Variants in FGF13 observed in about 807,000 individuals in gnomAD.
FGF13 encodes the protein fibroblast growth factor 13.
A neutral mutation model predicts 19.5 loss-of-function variants in FGF13; 2 were observed. The ratio of observed to expected loss-of-function variants is 0.10; its 90% CI spans 0.04 to 0.32. The LOEUF is 0.32. Ranked by LOEUF, FGF13 falls within the 10% of genes least tolerant of loss-of-function variation. The probability of loss-of-function intolerance (pLI) is 1.00; values close to 1 mark genes in which losing one functional copy is unlikely to be tolerated. For missense variants in FGF13, 113 were observed against 192.7 expected (o/e 0.59, Z 2.45); for synonymous variants, 72 against 76.9 (o/e 0.94, Z 0.33).
intron 1 of FGF13, among the ~76,000 whole-genome samples, chrX:138,980,592 G>A (rs2091959327): frequency 9.1e-6 from 1 of 110,272 alleles, no homozygotes; most frequent in Non-Finnish European, 1.9e-5. Flanking sequence ...CCATGAAACA[G>A]CTGCTTGATA....
chrX:138,746,907 C>G (rs1660904157), intron 3 of FGF13, among the ~76,000 whole-genome samples: 1 of 111,755 alleles, frequency 8.9e-6, no homozygotes, highest in Non-Finnish European at 1.9e-5. Flanking sequence ...ATGCAAGTCC[C>G]TTAGTATCTC....
At chrX:138,841,201 G>T (rs190342494) in intron 3 of FGF13, among the ~76,000 whole-genome samples, 5 of 111,079 alleles carry the variant, frequency 4.5e-5, no homozygotes, top group African/African-American at 1.6e-4. Context: ...TTCTCCCTGT[G>T]CCCATACCAG....
intron 3 of FGF13, among the ~76,000 whole-genome samples, chrX:138,652,435 G>T (rs1355984263): frequency 2.7e-5 from 3 of 111,749 alleles, no homozygotes; most frequent in Non-Finnish European, 5.6e-5. Flanking sequence ...ATTATGTTTT[G>T]CTCATTGCTG....
intron 1 of FGF13, among the ~76,000 whole-genome samples, chrX:139,156,284 C>T (rs773393251): frequency 8.9e-6 from 1 of 111,864 alleles, no homozygotes; most frequent in African/African-American, 3.3e-5. Context: ...TACCTCCCCT[C>T]TCCCCTCACA....
At chrX:138,782,153 A>C (rs1459930793) in intron 3 of FGF13, among the ~76,000 whole-genome samples, 4 of 112,172 alleles carry the variant, frequency 3.6e-5, no homozygotes, top group African/African-American at 1.3e-4. Flanking sequence ...TTGATGGGAC[A>C]TATTTGAAAA....
intron 1 of FGF13, among the ~76,000 whole-genome samples, chrX:138,953,632 G>T (rs996815933): frequency 9.0e-6 from 1 of 111,034 alleles, no homozygotes; most frequent in Admixed American, 9.6e-5. Flanking sequence ...AAACAACCAC[G>T]GCAACTTTAT....
intron 1 of FGF13, among the ~76,000 whole-genome samples, chrX:139,175,975 G>A (rs1285304797): frequency 9.0e-6 from 1 of 111,665 alleles, no homozygotes; most frequent in East Asian, 2.8e-4. Flanking sequence ...CAGAAGGAAT[G>A]GTACCAGCTC....
chrX:139,091,842 T>C (rs909400200), intron 1 of FGF13, among the ~76,000 whole-genome samples: 1 of 110,533 alleles, frequency 9.0e-6, no homozygotes, highest in Non-Finnish European at 1.9e-5. Context: ...CAGAGGGGCA[T>C]AGGCTGCTCA....
At chrX:138,956,162 G>C (rs1412285356) in intron 1 of FGF13, among the ~76,000 whole-genome samples, 2 of 111,771 alleles carry the variant, frequency 1.8e-5, no homozygotes, top group Admixed American at 9.5e-5. Context: ...TAAGAATTAG[G>C]GGCAGAGAGT....
At chrX:138,963,649 C>T (rs1023940946) in intron 1 of FGF13, among the ~76,000 whole-genome samples, 5 of 112,253 alleles carry the variant, frequency 4.5e-5, no homozygotes, top group African/African-American at 1.6e-4. Flanking sequence ...CACTATGTTG[C>T]CCAGGCTAGT....
upstream of FGF13, chrX:138,739,358 C>A: frequency 9.8e-7 from 1 of 1,019,844 alleles, no homozygotes; most frequent in Admixed American, 2.5e-5. Flanking sequence ...AAGTTTAAGG[C>A]ATATCTAAAG....
In FGF13 at chrX:138,977,914, T is replaced by C. The variant is rs770324770; in HGVS notation, c.-112-113264A>G. The stretch of plus-strand genomic sequence containing the variant: ...AATGTTAGCCACTAACTATATGTCG[T>C]CATATAAATTTAACTGTACATTAAT... On this transcript the variant is annotated intron_variant, in intron 1 of 2. Transcript: ENST00000421460. 2.7e-5 allele frequency among the ~76,000 whole-genome samples: 3 copies of C among 112,419 alleles called. No individual in the cohort carries two copies. The East Asian group carries it at 8.4e-4, about 32-fold the overall frequency.
At chrX:138,925,034 T>A (rs2091665744) in intron 1 of FGF13, among the ~76,000 whole-genome samples, 1 of 110,502 alleles carries the variant, frequency 9.0e-6, no homozygotes, top group Non-Finnish European at 1.9e-5. Context: ...GGGCAGAGAG[T>A]GATAAGCTTG....
intron 1 of FGF13, among the ~76,000 whole-genome samples, chrX:139,098,820 C>A (rs1011148828): frequency 1.8e-5 from 2 of 111,155 alleles, no homozygotes; most frequent in African/African-American, 6.5e-5. Context: ...AATAGAACCC[C>A]AAATCTCAAC....
At chrX:139,203,930 G>C, upstream of FGF13, 1 of 642,289 alleles carries the variant, frequency 1.6e-6, no homozygotes. Context: ...TTTTCTCCCG[G>C]GGTCGCAGAG....
At chrX:139,088,825 C>T (rs1279264125) in intron 1 of FGF13, among the ~76,000 whole-genome samples, 1 of 111,802 alleles carries the variant, frequency 8.9e-6, no homozygotes, top group African/African-American at 3.3e-5. Context: ...AAGTTCATGG[C>T]TTTTGGGAAG....
intron 3 of FGF13, among the ~76,000 whole-genome samples, chrX:138,791,676 C>T (rs1047395111): frequency 8.0e-5 from 9 of 112,023 alleles, no homozygotes; most frequent in African/African-American, 2.9e-4. Context: ...ACTTTAATTT[C>T]TGTACAAAGC....
intron 1 of FGF13, among the ~76,000 whole-genome samples, chrX:138,995,634 C>A (rs991240376): frequency 2.7e-5 from 3 of 112,562 alleles, no homozygotes; most frequent in African/African-American, 9.7e-5. Flanking sequence ...CCACAAAAGA[C>A]ATGATCGCAT....
chrX:138,798,873 C>T (rs1474825423), intron 3 of FGF13, among the ~76,000 whole-genome samples: 1 of 111,813 alleles, frequency 8.9e-6, no homozygotes, highest in African/African-American at 3.3e-5. Context: ...ATAGTATTCT[C>T]TGATGGCAGT....
Sources: gnomAD v4.1 joint callset for allele counts (sites outside exome capture counted in the v4.1 genomes callset) on GRCh38, gnomAD v4.1.1 for gene constraint, MANE v1.5 for transcripts, NCBI Gene and HGNC (gene_info 2026-07-23, HGNC 2026-07-21) for gene names.